Variants in ADA observed in about 807,000 individuals in gnomAD.
ADA encodes adenosine aminohydrolase.
ADA carries 45 observed loss-of-function variants against 49.0 expected under a neutral mutation model. The ratio of observed to expected loss-of-function variants is 0.92; its 90% confidence interval spans 0.72 to 1.18. The LOEUF is 1.18. ADA is among the 50% of genes most tolerant of loss of function. ADA has a pLI of 0.00. For synonymous variants in ADA, 173 were observed against 184.2 expected (o/e 0.94, Z 0.49); for missense variants, 445 against 472.5 (o/e 0.94, Z 0.54).
Position 44,651,679 on chromosome 20 carries a change from T to G in ADA, c.-72A>C. ...GGGTCTCTGCCGGCTCGGTGGCCGC[T>G]CGGCTTTCCCTGGGGCCAGCGGTGG... On this transcript the variant is annotated 5_prime_UTR_variant, in exon 1 of 12. Coordinates refer to ENST00000372874, the MANE Select transcript of ADA (RefSeq NM_000022.4). 1 of 1,440,544 alleles carries G rather than the reference T, an allele frequency of 6.9e-7. No individual in the cohort carries two copies. Among genetic ancestry groups the G allele is most frequent in the Non-Finnish European group, 9.1e-7 (1 of 1,101,714 alleles). 89.2% of individuals were successfully genotyped at this position (1,440,544 alleles called of 1,614,324 possible).
chr20:44,619,836 A>C lies in ADA; in HGVS notation c.1090T>G (p.Ter364GlyextTer19), dbSNP rs1317855210. ...GAAGGCTTGGAGGAGTGGCGTCTTC[A>C]GAGGTTCTGCCCTGCTCGTTGGTTC... ...PPSASAGQNL[*>G] Residue 364 changes from the stop codon to glycine, a stop_lost, in exon 12 of 12, where the codon TGA becomes GGA. Transcript: ENST00000372874. 6.2e-7 allele frequency: 1 copy of C among 1,614,182 alleles called. No individual in the cohort carries two copies. The highest frequency in any genetic ancestry group is 2.2e-5 in the East Asian group (1 of 44,880).
chr20:44,623,147 G>C (rs925833169), intron 6 of ADA, 69 bp from the exon 7 acceptor site: 2 of 1,606,192 alleles, frequency 1.2e-6, no homozygotes, highest in African/African-American at 2.7e-5. Flanking sequence ...CCTTGACCAT[G>C]CTGTGGAGAT....
intron 1 of ADA, among the ~76,000 whole-genome samples, chr20:44,650,248 G>A (rs2065631591): frequency 6.6e-6 from 1 of 152,208 alleles, no homozygotes; most frequent in African/African-American, 2.4e-5. Context: ...ACGGGGAGTA[G>A]CTGAGCATTT....
chr20:44,645,679 T>C (rs1037804807), intron 1 of ADA, among the ~76,000 whole-genome samples: 1 of 152,212 alleles, frequency 6.6e-6, no homozygotes, highest in African/African-American at 2.4e-5. Flanking sequence ...ATGGCAGCTA[T>C]TGCTGCAGCA....
intron 1 of ADA, among the ~76,000 whole-genome samples, chr20:44,645,639 C>T (rs1330401655): frequency 6.6e-6 from 1 of 152,148 alleles, no homozygotes; most frequent in Non-Finnish European, 1.5e-5. Context: ...AAAGTAGGAC[C>T]ATTACCAACC....
At position 44,619,706 on chromosome 20, in the gene ADA, G is replaced by T; in HGVS notation, c.*128C>A. On this transcript the variant is annotated 3_prime_UTR_variant, in exon 12 of 12. Coordinates refer to ENST00000372874, the MANE Select transcript of ADA (RefSeq NM_000022.4). ...CGTGTGTGCAGAAATGGACACATAG[G>T]GTTCAGGAGCATCAGTAACTGACTA... 1 of 1,255,722 alleles carries T rather than the reference G, an allele frequency of 8.0e-7. No homozygotes were observed. Among genetic ancestry groups the T allele is most frequent in the South Asian group, 1.2e-5 (1 of 82,250 alleles). The allele number at this position is 1,255,722 out of a possible 1,614,324, so 77.8% of individuals were successfully genotyped here.
chr20:44,625,266 A>G (rs1301573895), intron 5 of ADA, among the ~76,000 whole-genome samples: 1 of 152,168 alleles, frequency 6.6e-6, no homozygotes, highest in African/African-American at 2.4e-5. Flanking sequence ...AGGGAGGACT[A>G]TGGGCTGATC....
At chr20:44,629,843 C>T (rs970243290) in intron 2 of ADA, among the ~76,000 whole-genome samples, 1 of 152,174 alleles carries the variant, frequency 6.6e-6, no homozygotes, top group Non-Finnish European at 1.5e-5. Context: ...TGGCTTGGAG[C>T]CTCCATTTCT....
intron 2 of ADA, among the ~76,000 whole-genome samples, chr20:44,629,576 CAG>C (rs374069196): frequency 7.7e-4 from 117 of 152,328 alleles, no homozygotes; most frequent in African/African-American, 2.5e-3. Flanking sequence ...TATGCCCAGT[CAG>C]GGGTTATCAG....
chr20:44,636,527 C>T (rs2065482187), intron 1 of ADA, among the ~76,000 whole-genome samples: 2 of 152,130 alleles, frequency 1.3e-5, no homozygotes, highest in South Asian at 4.1e-4. Context: ...CAATTGAGGA[C>T]ACTGAGGTTC....
Position 44,620,623 on chromosome 20 carries a change from A to G in ADA, c.976-222T>C, listed in dbSNP as rs1206244624. ...AAAAGGGCTGTGAGAAGGAAGTTGG[A>G]GAAACCTTTGAGAGACAGGGTGGCA... On this transcript the variant is annotated intron_variant, in intron 10 of 11. Coordinates refer to ENST00000372874, the MANE Select transcript of ADA (RefSeq NM_000022.4). 9 of 616,110 alleles carry G rather than the reference A, an allele frequency of 1.5e-5. No individual in the cohort carries two copies. The East Asian group carries it at 2.6e-4, about 18-fold the overall frequency. 38.2% of individuals were successfully genotyped at this position (616,110 alleles called of 1,614,324 possible). A position where few individuals can be genotyped will look rare whatever the true frequency, so the allele number is the denominator to read the frequency against.
intron 1 of ADA, among the ~76,000 whole-genome samples, chr20:44,650,015 G>C (rs746186650): frequency 1.3e-5 from 2 of 152,262 alleles, no homozygotes; most frequent in East Asian, 3.9e-4. Context: ...GATTATAGGC[G>C]TGAGCCACTG....
intron 2 of ADA, among the ~76,000 whole-genome samples, chr20:44,630,024 C>T (rs1295302921): frequency 6.7e-6 from 1 of 150,356 alleles, no homozygotes; most frequent in Non-Finnish European, 1.5e-5. Flanking sequence ...TAAGATACAA[C>T]AGCCAGAGAA....
At chr20:44,631,995 G>A (rs1204546764) in intron 2 of ADA, among the ~76,000 whole-genome samples, 18 of 152,104 alleles carry the variant, frequency 1.2e-4, no homozygotes, top group Admixed American at 2.0e-4. Context: ...GCGCCTCCCC[G>A]TGCCCAGCAC....
At chr20:44,624,134 C>A (rs2065359490) in intron 6 of ADA, 68 bp downstream of exon 6, 14 of 1,550,686 alleles carry the variant, frequency 9.0e-6, no homozygotes, top group Non-Finnish European at 1.2e-5. Context: ...CTTGTGATTT[C>A]TCCCAACTAT....
At chr20:44,639,056 G>A (rs1357975912) in intron 1 of ADA, among the ~76,000 whole-genome samples, 2 of 152,218 alleles carry the variant, frequency 1.3e-5, no homozygotes, top group African/African-American at 4.8e-5. Flanking sequence ...GCAGGGCTGT[G>A]CGGGCCACGA....
At chr20:44,620,898 G>A (rs1209425570) in intron 10 of ADA, 120 bp downstream of exon 10, 5 of 1,404,386 alleles carry the variant, frequency 3.6e-6, no homozygotes, top group Non-Finnish European at 5.0e-6. Flanking sequence ...GGTTGGGCTT[G>A]TCTTGGACTG....
At chr20:44,637,729 A>G (rs1003511354) in intron 1 of ADA, among the ~76,000 whole-genome samples, 1 of 152,198 alleles carries the variant, frequency 6.6e-6, no homozygotes, top group African/African-American at 2.4e-5. Flanking sequence ...CAGGGAACAG[A>G]GACACCAGAG....
chr20:44,626,292 C>T lies in ADA; in HGVS notation c.362+164G>A. ...CAAAGGGAGGATGGGAACCACGTCT[C>T]TTGTGACAGAGTTAAACCCATCTTT... is the stretch of plus-strand genomic sequence containing the variant. On this transcript the variant is annotated intron_variant, in intron 4 of 11. Transcript: ENST00000372874. 5.2e-6 allele frequency: 5 copies of T among 959,100 alleles called. No individual in the cohort carries two copies. The South Asian group carries it at 5.8e-5, about 11-fold the overall frequency. 59.4% of individuals were successfully genotyped at this position (959,100 alleles called of 1,614,324 possible).
Sources: allele counts gnomAD v4.1 joint callset (sites outside exome capture counted in the v4.1 genomes callset), GRCh38; gene constraint gnomAD v4.1.1; transcripts MANE v1.5; gene names NCBI Gene and HGNC (gene_info 2026-07-23, HGNC 2026-07-21).